The following ATP8A1 variants were observed in gnomAD, a reference collection of about 807,000 sequenced individuals.
ATP8A1 encodes phospholipid-transporting ATPase IA.
In ATP8A1, 90 loss-of-function variants were observed where a neutral mutation model predicts 177.7. The observed-to-expected ratio is 0.51, with a 90% CI of 0.43 to 0.60. ATP8A1 has a LOEUF of 0.60. Among genes scored for constraint, ATP8A1 ranks in the 20% least tolerant of loss-of-function variants. The pLI is 0.00. For synonymous variants in ATP8A1, 493 were observed against 485.9 expected (o/e 1.01, Z -0.19); for missense variants, 1,072 against 1,392.8 (o/e 0.77, Z 3.67).
At chr4:42,610,411 C>A (rs1231763132) in intron 5 of ATP8A1, among the ~76,000 whole-genome samples, 2 of 151,960 alleles carry the variant, frequency 1.3e-5, no homozygotes, top group African/African-American at 4.8e-5. Flanking sequence ...GAGAAAAATT[C>A]CCATGAAAGC....
intron 15 of ATP8A1, among the ~76,000 whole-genome samples, chr4:42,564,100 G>A (rs1266908069): frequency 6.6e-6 from 1 of 152,192 alleles, no homozygotes; most frequent in Non-Finnish European, 1.5e-5. Flanking sequence ...GTCTGGGGTT[G>A]CGGGGCGGGG....
intron 25 of ATP8A1, among the ~76,000 whole-genome samples, chr4:42,473,952 C>A (rs748161757): frequency 6.6e-6 from 1 of 152,006 alleles, no homozygotes; most frequent in Non-Finnish European, 1.5e-5. Flanking sequence ...TCATGCACAG[C>A]CCAGAGCTTG....
At chr4:42,604,475 T>A (rs961776019) in intron 5 of ATP8A1, among the ~76,000 whole-genome samples, 1 of 152,216 alleles carries the variant, frequency 6.6e-6, no homozygotes, top group Non-Finnish European at 1.5e-5. Flanking sequence ...GATCCACTAA[T>A]ATTCTTATCT....
intron 33 of ATP8A1, among the ~76,000 whole-genome samples, chr4:42,429,424 T>G (rs567209743): frequency 1.3e-5 from 2 of 151,640 alleles, no homozygotes; most frequent in East Asian, 3.9e-4. Flanking sequence ...GAGGAAGAGC[T>G]GTAGAATAGG....
At chr4:42,524,908 T>C (rs1726527911) in intron 20 of ATP8A1, 61 bp from the exon 21 acceptor site, 3 of 1,126,818 alleles carry the variant, frequency 2.7e-6, no homozygotes, top group South Asian at 2.8e-5. Context: ...ATAAAGTTGA[T>C]GTTGGTAACA....
intron 35 of ATP8A1, among the ~76,000 whole-genome samples, chr4:42,416,857 T>G (rs1412641615): frequency 6.6e-6 from 1 of 152,132 alleles, no homozygotes; most frequent in Non-Finnish European, 1.5e-5. Flanking sequence ...TTATAAAAAA[T>G]CAACTAGAAC....
chr4:42,507,171 G>T lies in ATP8A1; in HGVS notation c.1948-17C>A. 6.2e-7 allele frequency: 1 copy of T among 1,610,468 alleles called. No homozygotes were observed. Among genetic ancestry groups the T allele is most frequent in the Non-Finnish European group, 8.5e-7 (1 of 1,178,878 alleles). On this transcript the variant is annotated splice_polypyrimidine_tract_variant and intron_variant, in intron 22 of 36. Coordinates refer to ENST00000381668, the MANE Select transcript of ATP8A1 (RefSeq NM_006095.2). ...CTGAAGATTCTGAAAAAAATTAGTG[G>T]TAGAAATGTTTTAAAAATCCGTTCA... is the stretch of plus-strand genomic sequence containing the variant.
intron 29 of ATP8A1, among the ~76,000 whole-genome samples, chr4:42,452,699 T>C (rs143093687): frequency 9.5e-4 from 144 of 152,358 alleles, no homozygotes; most frequent in Admixed American, 1.8e-3. Flanking sequence ...ATATCTATTG[T>C]ATTTTAAGAA....
At chr4:42,619,544 G>A (rs1468334146) in intron 4 of ATP8A1, among the ~76,000 whole-genome samples, 1 of 151,700 alleles carries the variant, frequency 6.6e-6, no homozygotes, top group Non-Finnish European at 1.5e-5. Flanking sequence ...AAAATGCACT[G>A]GGGGTGGATA....
At chr4:42,592,907 A>G (rs774209861) in intron 6 of ATP8A1, among the ~76,000 whole-genome samples, 4 of 152,166 alleles carry the variant, frequency 2.6e-5, no homozygotes, top group Non-Finnish European at 4.4e-5. Context: ...AAATGTTGTT[A>G]TGCAGCACAA....
intron 1 of ATP8A1, among the ~76,000 whole-genome samples, chr4:42,650,507 G>T (rs1175610873): frequency 6.6e-6 from 1 of 152,080 alleles, no homozygotes; most frequent in African/African-American, 2.4e-5. Context: ...CTTTTACCTG[G>T]AATAGCGTCC....
chr4:42,602,978 G>T (rs1055483327), intron 5 of ATP8A1, among the ~76,000 whole-genome samples: 5 of 151,950 alleles, frequency 3.3e-5, no homozygotes, highest in Non-Finnish European at 7.4e-5. Flanking sequence ...CTGGTCAATA[G>T]TGTCTAGAGC....
In ATP8A1 at chr4:42,600,528, G is replaced by T; in HGVS notation, c.410-10C>A. ...GCACCATTTCTCAAAACTGGAAAGA[G>T]AAAAGGTGACATTTTAAACAACATG... On this transcript the variant is annotated splice_polypyrimidine_tract_variant and intron_variant, in intron 5 of 36. Transcript: ENST00000381668. The T allele has an allele frequency of 6.2e-7, 1 of 1,608,420 alleles. No homozygotes were observed.
intron 15 of ATP8A1, among the ~76,000 whole-genome samples, chr4:42,564,418 T>C (rs1731155150): frequency 6.6e-6 from 1 of 152,200 alleles, no homozygotes; most frequent in South Asian, 2.1e-4. Flanking sequence ...GGCTGTACCC[T>C]GCAGAGCTAC....
At chr4:42,473,467 A>G (rs1408197684) in intron 25 of ATP8A1, among the ~76,000 whole-genome samples, 1 of 152,106 alleles carries the variant, frequency 6.6e-6, no homozygotes, top group Non-Finnish European at 1.5e-5. Context: ...ACTTCTATTC[A>G]AGAAGGCCTA....
intron 14 of ATP8A1, among the ~76,000 whole-genome samples, chr4:42,570,396 C>T (rs946966854): frequency 4.6e-5 from 7 of 152,230 alleles, no homozygotes; most frequent in Admixed American, 1.3e-4. Context: ...ATGTTTAAAG[C>T]AATCACTTCA....
At chr4:42,625,777 T>G in intron 2 of ATP8A1, 64 bp from the exon 3 acceptor site, 1 of 955,632 alleles carries the variant, frequency 1.0e-6, no homozygotes, top group South Asian at 1.8e-5. Flanking sequence ...ACTTACAAAG[T>G]TCTGTTACTA....
chr4:42,449,289 A>G (rs1717678573), intron 30 of ATP8A1, among the ~76,000 whole-genome samples: 1 of 152,232 alleles, frequency 6.6e-6, no homozygotes, highest in Admixed American at 6.5e-5. Flanking sequence ...CAAATACAAA[A>G]TATTATTAAG....
chr4:42,515,257 C>T (rs1725417149), intron 22 of ATP8A1, among the ~76,000 whole-genome samples: 1 of 152,192 alleles, frequency 6.6e-6, no homozygotes, highest in African/African-American at 2.4e-5. Flanking sequence ...ATCACCCATA[C>T]ATCATGTAAA....
Sources: gnomAD v4.1 joint callset for allele counts (sites outside exome capture counted in the v4.1 genomes callset) on GRCh38, gnomAD v4.1.1 for gene constraint, MANE v1.5 for transcripts, NCBI Gene and HGNC (gene_info 2026-07-23, HGNC 2026-07-21) for gene names.